The following CXCL13 variants were observed in gnomAD, a reference collection of about 807,000 sequenced individuals.
The protein encoded by CXCL13 is C-X-C motif chemokine ligand 13, also known as C-X-C motif chemokine 13.
In CXCL13, 7 loss-of-function variants were observed where a neutral mutation model predicts 12.2. That is an observed-to-expected ratio of 0.57 (90% CI 0.33 to 1.07). The LOEUF (loss-of-function observed/expected upper bound fraction) is 1.07, where lower values mean the gene tolerates loss of function less well. Ranked by LOEUF, CXCL13 falls within the 50% of genes least tolerant of loss-of-function variation. CXCL13 has a pLI of 0.04. For synonymous variants in CXCL13, 47 were observed against 42.4 expected, an observed-to-expected ratio of 1.11 and a Z score of -0.42; for missense variants, 113 against 127.4, an observed-to-expected ratio of 0.89 and a Z score of 0.55.
chr4:77,605,793 A>G, upstream of CXCL13: 1 of 888,914 alleles, frequency 1.1e-6, no homozygotes, highest in Non-Finnish European at 1.7e-6. Flanking sequence ...GGTATAAATA[A>G]ATAGGAGTCT....
At chr4:77,585,119 T>G (rs1310915371) in intron 1 of CXCL13, among the ~76,000 whole-genome samples, 2 of 152,116 alleles carry the variant, frequency 1.3e-5, no homozygotes, top group Admixed American at 1.3e-4. Context: ...TCTTACAGCA[T>G]GACTGCATCC....
intron 1 of CXCL13, among the ~76,000 whole-genome samples, chr4:77,564,959 C>A (rs565741543): frequency 2.6e-5 from 4 of 152,146 alleles, no homozygotes; most frequent in Non-Finnish European, 5.9e-5. Flanking sequence ...GGAGCCCACA[C>A]GGGGTTTTCC....
chr4:77,528,360 T>C (rs1160706058), intron 1 of CXCL13, among the ~76,000 whole-genome samples: 1 of 152,212 alleles, frequency 6.6e-6, no homozygotes, highest in Non-Finnish European at 1.5e-5. Flanking sequence ...CACACTGACT[T>C]CCACAATGGT....
In CXCL13 at chr4:77,565,077, T is replaced by C. The variant is rs573293409; in HGVS notation, c.-42-40747T>C. On this transcript the variant is annotated intron_variant, in intron 1 of 4. Transcript: ENST00000286758. Reference sequence around the variant, plus strand: ...TACTGATCCCTTGGTTCAACTTTTGTAGCTCAACTGTCTTCCACAATGAGA... The same window carrying C: ...TACTGATCCCTTGGTTCAACTTTTGCAGCTCAACTGTCTTCCACAATGAGA... 2.0e-5 allele frequency among the ~76,000 whole-genome samples: 3 copies of C among 152,336 alleles called. No homozygotes were observed. The South Asian group carries it at 6.2e-4, about 32-fold the overall frequency.
rs558434605 is a variant in CXCL13, at chr4:77,527,330, T to C, written c.-43+15542T>C. Among the ~76,000 whole-genome samples the C allele has an allele frequency of 1.2e-4, 18 of 152,276 alleles. 1 individual carries two copies. The South Asian group carries it at 2.7e-3, about 23-fold the overall frequency. On this transcript the variant is annotated intron_variant, in intron 1 of 4. Transcript: ENST00000286758. ...TGATACAGCCACTCTGGAAAACAGT[T>C]TTGCAGTTTCTTAAACATGCAACTG...
At chr4:77,516,548 G>A (rs1246646898) in intron 1 of CXCL13, among the ~76,000 whole-genome samples, 2 of 152,196 alleles carry the variant, frequency 1.3e-5, no homozygotes, top group Non-Finnish European at 2.9e-5. Flanking sequence ...GAGTGTATGT[G>A]TGGAGGAATT....
intron 1 of CXCL13, among the ~76,000 whole-genome samples, chr4:77,554,591 C>G (rs2109808899): frequency 6.6e-6 from 1 of 152,080 alleles, no homozygotes; most frequent in East Asian, 1.9e-4. Flanking sequence ...CCAACTTGAT[C>G]TAGATATTTA....
chr4:77,561,705 G>A (rs1481069291), intron 1 of CXCL13, among the ~76,000 whole-genome samples: 2 of 152,242 alleles, frequency 1.3e-5, no homozygotes, highest in Non-Finnish European at 2.9e-5. Context: ...CCCTGCAGCA[G>A]TGAGAGGTGA....
chr4:77,526,423 A>G (rs1724769879), intron 1 of CXCL13, among the ~76,000 whole-genome samples: 2 of 152,140 alleles, frequency 1.3e-5, no homozygotes, highest in South Asian at 4.1e-4. Context: ...ATTGTAAAAT[A>G]TGATGTATGT....
intron 1 of CXCL13, among the ~76,000 whole-genome samples, chr4:77,556,670 G>T (rs1725667356): frequency 6.6e-6 from 1 of 152,010 alleles, no homozygotes; most frequent in South Asian, 2.1e-4. Context: ...TTAAGAAATG[G>T]TTTATATTTT....
At chr4:77,555,780 A>T (rs993063899) in intron 1 of CXCL13, among the ~76,000 whole-genome samples, 1 of 152,194 alleles carries the variant, frequency 6.6e-6, no homozygotes, top group Non-Finnish European at 1.5e-5. Flanking sequence ...TTACAACTTG[A>T]TAATGAAGAC....
chr4:77,523,058 G>A (rs1436811329), intron 1 of CXCL13, among the ~76,000 whole-genome samples: 2 of 152,180 alleles, frequency 1.3e-5, no homozygotes, highest in Non-Finnish European at 2.9e-5. Context: ...CTGGCTTGTA[G>A]AGTTTCTGCT....
chr4:77,583,965 T>A (rs1726394434), intron 1 of CXCL13, among the ~76,000 whole-genome samples: 1 of 152,214 alleles, frequency 6.6e-6, no homozygotes. Context: ...AAATCCCACT[T>A]ACTTCCCTTT....
intron 1 of CXCL13, among the ~76,000 whole-genome samples, chr4:77,532,000 A>C (rs1461914297): frequency 1.3e-5 from 2 of 152,160 alleles, no homozygotes; most frequent in Non-Finnish European, 2.9e-5. Context: ...CTCTTTATCC[A>C]ATTTGCCAGT....
intron 1 of CXCL13, among the ~76,000 whole-genome samples, chr4:77,597,878 G>A (rs1283318768): frequency 6.6e-6 from 1 of 152,232 alleles, no homozygotes; most frequent in Non-Finnish European, 1.5e-5. Flanking sequence ...AAGACTAGGA[G>A]AGGTGAGAGA....
intron 1 of CXCL13, among the ~76,000 whole-genome samples, chr4:77,569,276 A>G (rs1346881732): frequency 6.6e-6 from 1 of 152,224 alleles, no homozygotes; most frequent in African/African-American, 2.4e-5. Flanking sequence ...GCAATCAGGC[A>G]AGAGAGAGAA....
At position 77,570,531 on chromosome 4, in the gene CXCL13, G is replaced by A. The variant is rs148685767; in HGVS notation, c.-42-35293G>A. 1.2e-3 allele frequency among the ~76,000 whole-genome samples: 190 copies of A among 152,284 alleles called. 3 individuals carry two copies. The East Asian group carries it at 0.026, about 21-fold the overall frequency. On this transcript the variant is annotated intron_variant, in intron 1 of 4. Transcript: ENST00000286758. ...GTCCTCAGAGCCCTCACTTGCTCTC[G>A]GCGCCTCCTCTGCCTGGGTTCCCAC...
intron 1 of CXCL13, among the ~76,000 whole-genome samples, chr4:77,558,569 T>C (rs1204278992): frequency 6.6e-6 from 1 of 152,208 alleles, no homozygotes; most frequent in Non-Finnish European, 1.5e-5. Flanking sequence ...GCCAGGCTGA[T>C]TTCAAACTCC....
intron 1 of CXCL13, among the ~76,000 whole-genome samples, chr4:77,535,629 CA>C (rs201605219): frequency 0.012 from 1,790 of 152,282 alleles, 45 homozygotes; most frequent in African/African-American, 0.04. Flanking sequence ...TGGTGATACT[CA>C]CTATTGGAAC....
Sources: gnomAD v4.1 joint callset for allele counts (sites outside exome capture counted in the v4.1 genomes callset) on GRCh38, gnomAD v4.1.1 for gene constraint, MANE v1.5 for transcripts, NCBI Gene and HGNC (gene_info 2026-07-23, HGNC 2026-07-21) for gene names.